The following MMP23B variants were observed in gnomAD, a reference collection of about 807,000 sequenced individuals.
MMP23B encodes the protein matrix metallopeptidase 23B.
Under a neutral mutation model 17.3 loss-of-function variants are expected in MMP23B, and 8 were observed. The ratio of observed to expected loss-of-function variants is 0.46; its 90% confidence interval spans 0.27 to 0.83. MMP23B has a LOEUF of 0.83. MMP23B is among the 40% of genes least tolerant of loss of function. The probability of loss-of-function intolerance (pLI) is 0.14; values close to 1 mark genes in which losing one functional copy is unlikely to be tolerated. For synonymous variants in MMP23B, 86 were observed against 116.5 expected (o/e 0.74, Z 1.69); for missense variants, 154 against 246.2 (o/e 0.63, Z 2.51).
chr1:1,634,406 C>T (rs1479580586), intron 7 of MMP23B, 45 bp from the exon 8 acceptor site: 13 of 973,618 alleles, frequency 1.3e-5, no homozygotes, highest in Middle Eastern at 3.6e-4. Flanking sequence ...GGCAGGCAGC[C>T]GGGGGGGGGG....
Position 1,632,384 on chromosome 1 carries a change from G to A in MMP23B, c.156+10G>A, listed in dbSNP as rs1164409588. 20 of 1,368,292 alleles carry A rather than the reference G, an allele frequency of 1.5e-5. No individual in the cohort carries two copies. Among genetic ancestry groups the A allele is most frequent in the South Asian group, 1.7e-5 (1 of 58,954 alleles). The allele number at this position is 1,368,292 out of a possible 1,614,324, so 84.8% of individuals were successfully genotyped here. A position where few individuals can be genotyped will look rare whatever the true frequency, so the allele number is the denominator to read the frequency against. ...CTGGAGCGCAGCGCAGGTGAGCGGC[G>A]GGGGGGAGGCCAGGTGCCGGGTTGG... On this transcript the variant is annotated intron_variant, in intron 1 of 7. Transcript: ENST00000356026.
chr1:1,632,434 G>A (rs1028494217), intron 1 of MMP23B, 60 bp downstream of exon 1: 2 of 1,289,370 alleles, frequency 1.6e-6, no homozygotes, highest in Non-Finnish European at 2.1e-6. Context: ...CTGTGGGTCT[G>A]GTCTATCGGG....
rs1182685740 is a variant in MMP23B, at chr1:1,632,353, G to T, written c.135G>T (p.Val45=). The T allele has an allele frequency of 1.7e-5, 24 of 1,391,080 alleles. No individual in the cohort carries two copies. Among genetic ancestry groups the T allele is most frequent in the Admixed American group, 3.5e-5 (1 of 28,732 alleles). 86.2% of individuals were successfully genotyped at this position (1,391,080 alleles called of 1,614,324 possible). A position where few individuals can be genotyped will look rare whatever the true frequency, so the allele number is the denominator to read the frequency against. Residue 45 remains valine, a synonymous_variant, in exon 1 of 8, where the codon GTG becomes GTT. Coordinates refer to ENST00000356026, the MANE Select transcript of MMP23B (RefSeq NM_006983.2). ...VLLARLGAPA[V]PAWSAAQGDV... ...TGGCCCGGCTGGGGGCCCCGGCGGT[G>T]CCGGCCTGGAGCGCAGCGCAGGTGA... is the stretch of plus-strand genomic sequence containing the variant.
At chr1:1,632,422 G>C (rs769581669) in intron 1 of MMP23B, 48 bp downstream of exon 1, 6 of 1,336,998 alleles carry the variant, frequency 4.5e-6, no homozygotes, top group Non-Finnish European at 4.9e-6. Flanking sequence ...GGGTCCTCAC[G>C]TCTGTGGGTC....
chr1:1,632,359 C>G lies in MMP23B; in HGVS notation c.141C>G (p.Ala47=). The G allele has an allele frequency of 2.2e-6, 3 of 1,389,204 alleles. No individual in the cohort carries two copies. Among genetic ancestry groups the G allele is most frequent in the Non-Finnish European group, 2.8e-6 (3 of 1,083,746 alleles). 86.1% of individuals were successfully genotyped at this position (1,389,204 alleles called of 1,614,324 possible). A position where few individuals can be genotyped will look rare whatever the true frequency, so the allele number is the denominator to read the frequency against. Residue 47 remains alanine (A), a synonymous_variant, in exon 1 of 8, where the codon GCC becomes GCG. Transcript: ENST00000356026. The stretch of plus-strand genomic sequence containing the variant: ...GGCTGGGGGCCCCGGCGGTGCCGGC[C>G]TGGAGCGCAGCGCAGGTGAGCGGCG... ...LARLGAPAVP[A]WSAAQGDVAA...
intron 7 of MMP23B, 32 bp from the exon 8 acceptor site, chr1:1,634,419 G>C: frequency 1.5e-6 from 2 of 1,372,656 alleles, no homozygotes; most frequent in Non-Finnish European, 2.0e-6. Context: ...GGGGGGGGCT[G>C]TGCCTGCAGG....
At position 1,632,394 on chromosome 1, in the gene MMP23B, C is replaced by CA; in HGVS notation, c.156+20_156+21insA. 2 of 1,377,522 alleles carry CA rather than the reference C, an allele frequency of 1.5e-6. No homozygotes were observed. The highest frequency in any genetic ancestry group is 1.9e-6 in the Non-Finnish European group (2 of 1,070,476). The allele number at this position is 1,377,522 out of a possible 1,614,324, so 85.3% of individuals were successfully genotyped here. Reference sequence around the variant, plus strand: ...GCGCAGGTGAGCGGCGGGGGGGAGGCCAGGTGCCGGGTTGGGGGGGTCCTC... The same window carrying CA: ...GCGCAGGTGAGCGGCGGGGGGGAGGCACAGGTGCCGGGTTGGGGGGGTCCTC... On this transcript the variant is annotated intron_variant, in intron 1 of 7. Transcript: ENST00000356026.
chr1:1,632,390 G>A lies in MMP23B; in HGVS notation c.156+16G>A, dbSNP rs559350829. ...CGCAGCGCAGGTGAGCGGCGGGGGG[G>A]AGGCCAGGTGCCGGGTTGGGGGGGT... On this transcript the variant is annotated intron_variant, in intron 1 of 7. Transcript: ENST00000356026. 8.5e-5 allele frequency: 117 copies of A among 1,380,602 alleles called. 2 individuals are homozygous for A. The African/African-American group carries it at 1.7e-3, about 20-fold the overall frequency. 85.5% of individuals were successfully genotyped at this position (1,380,602 alleles called of 1,614,324 possible).
chr1:1,632,284 A>G lies in MMP23B; in HGVS notation c.66A>G (p.Gly22=). ...CAGGCGTCGAGCGCCGCTGGCTTGG[A>G]GCCGCGCTGGTCGCCCTGTGCCTCC... ...PGAGVERRWL[G]AALVALCLLP... is the part of the protein sequence containing the mutation. Residue 22 remains glycine (G), a synonymous_variant, in exon 1 of 8, where the codon GGA becomes GGG. Transcript: ENST00000356026. 1.4e-6 allele frequency: 2 copies of G among 1,414,678 alleles called. No individual in the cohort carries two copies. Among genetic ancestry groups the G allele is most frequent in the Admixed American group, 2.9e-5 (1 of 34,100 alleles). The allele number at this position is 1,414,678 out of a possible 1,614,324, so 87.6% of individuals were successfully genotyped here.
Position 1,632,256 on chromosome 1 carries a change from G to T in MMP23B, c.38G>T (p.Gly13Val). ...RGARVPSEAP[G>V]AGVERRWLGA... ...GCCCGTGTCCCCTCGGAGGCCCCGGGGGCAGGCGTCGAGCGCCGCTGGCTT... is the reference window on the plus strand; with the variant it reads ...GCCCGTGTCCCCTCGGAGGCCCCGGTGGCAGGCGTCGAGCGCCGCTGGCTT... Residue 13 changes from glycine to valine, a missense_variant, in exon 1 of 8, where the codon GGG becomes GTG. Transcript: ENST00000356026. 1 of 1,360,390 alleles carries T rather than the reference G, an allele frequency of 7.4e-7. No homozygotes were observed. The highest frequency in any genetic ancestry group is 1.9e-5 in the South Asian group (1 of 53,532). The allele number at this position is 1,360,390 out of a possible 1,614,324, so 84.3% of individuals were successfully genotyped here. A position where few individuals can be genotyped will look rare whatever the true frequency, so the allele number is the denominator to read the frequency against.
chr1:1,634,406 C>CGA, intron 7 of MMP23B, 45 bp from the exon 8 acceptor site: 1 of 866,952 alleles, frequency 1.2e-6, no homozygotes, highest in African/African-American at 2.2e-5. Context: ...GGCAGGCAGC[C>CGA]GGGGGGGGGG....
In MMP23B at chr1:1,632,209, C is replaced by G. The variant is rs1028028293; in HGVS notation, c.-10C>G. On this transcript the variant is annotated 5_prime_UTR_variant, in exon 1 of 8. Transcript: ENST00000356026. ...CCCCATGCAGCCCTGAGCCCCACAG[C>G]AAGTCTGCCATGGGCCGCGGGGCCC... 5.4e-6 allele frequency: 7 copies of G among 1,305,324 alleles called. No homozygotes were observed. In the African/African-American group the frequency reaches 7.7e-5, roughly 14 times the overall value. 80.9% of individuals were successfully genotyped at this position (1,305,324 alleles called of 1,614,324 possible). A position where few individuals can be genotyped will look rare whatever the true frequency, so the allele number is the denominator to read the frequency against.
chr1:1,632,257 G>T lies in MMP23B; in HGVS notation c.39G>T (p.Gly13=). The T allele has an allele frequency of 7.3e-7, 1 of 1,364,148 alleles. No homozygotes were observed. Among genetic ancestry groups the T allele is most frequent in the African/African-American group, 1.5e-5 (1 of 65,762 alleles). The allele number at this position is 1,364,148 out of a possible 1,614,324, so 84.5% of individuals were successfully genotyped here. ...CCCGTGTCCCCTCGGAGGCCCCGGG[G>T]GCAGGCGTCGAGCGCCGCTGGCTTG... ...RGARVPSEAP[G]AGVERRWLGA... Residue 13 remains glycine (G), a synonymous_variant, in exon 1 of 8, where the codon GGG becomes GGT. Coordinates refer to ENST00000356026, the MANE Select transcript of MMP23B (RefSeq NM_006983.2).
chr1:1,632,521 G>A, intron 1 of MMP23B, 147 bp downstream of exon 1: 2 of 657,336 alleles, frequency 3.0e-6, no homozygotes, highest in Non-Finnish European at 5.0e-6. Context: ...AGGGTTGGAC[G>A]CCCCTGTGTC....
In MMP23B at chr1:1,632,317, G is replaced by A. The variant is rs995795283; in HGVS notation, c.99G>A (p.Ala33=). The A allele has an allele frequency of 2.1e-6, 3 of 1,430,310 alleles. No individual in the cohort carries two copies. The highest frequency in any genetic ancestry group is 1.4e-5 in the South Asian group (1 of 69,050). The allele number at this position is 1,430,310 out of a possible 1,614,324, so 88.6% of individuals were successfully genotyped here. A position where few individuals can be genotyped will look rare whatever the true frequency, so the allele number is the denominator to read the frequency against. The stretch of plus-strand genomic sequence containing the variant: ...TGGTCGCCCTGTGCCTCCTCCCCGC[G>A]CTGGTGCTGCTGGCCCGGCTGGGGG... ...AALVALCLLP[A]LVLLARLGAP... is the part of the protein sequence containing the mutation. The change falls in exon 1 of 8, where the codon GCG becomes GCA. Residue 33 remains alanine, a synonymous_variant. Transcript: ENST00000356026.
chr1:1,632,398 G>T (rs1387416012), intron 1 of MMP23B, 24 bp downstream of exon 1: 11 of 1,376,818 alleles, frequency 8.0e-6, no homozygotes, highest in Non-Finnish European at 1.0e-5. Flanking sequence ...GGGAGGCCAG[G>T]TGCCGGGTTG....
Sources: allele counts gnomAD v4.1 joint callset, GRCh38; gene constraint gnomAD v4.1.1; transcripts MANE v1.5; gene names NCBI Gene and HGNC (gene_info 2026-07-23, HGNC 2026-07-21).